The following DENND1B variants were observed in gnomAD, a reference collection of about 807,000 sequenced individuals.
The protein encoded by DENND1B is DENN domain-containing protein 1B.
In DENND1B, 59 loss-of-function variants were observed where a neutral mutation model predicts 90.1. The ratio of observed to expected loss-of-function variants is 0.65; its 90% CI spans 0.53 to 0.81. DENND1B has a LOEUF of 0.81. Ranked by LOEUF, DENND1B falls within the 40% of genes least tolerant of loss-of-function variation. The probability of loss-of-function intolerance (pLI) is 0.00; values close to 1 mark genes in which losing one functional copy is unlikely to be tolerated. For synonymous variants in DENND1B, 337 were observed against 324.6 expected, an observed-to-expected ratio of 1.04 and a Z score of -0.41; for missense variants, 862 against 912.6, an observed-to-expected ratio of 0.94 and a Z score of 0.71.
Position 197,553,128 on chromosome 1 carries a change from G to GTCAAATAAAATGAA in DENND1B, c.1150-17_1150-16insTTCATTTTATTTGA. On this transcript the variant is annotated splice_polypyrimidine_tract_variant and intron_variant, in intron 15 of 22. Coordinates refer to ENST00000620048, the MANE Select transcript of DENND1B (RefSeq NM_001195215.2). ...CATCGATAAACTAGAATTAAAAAGT[G>GTCAAATAAAATGAA]TCAAATAAAATGTATCAAATAAAAT... 1 of 1,511,936 alleles carries GTCAAATAAAATGAA rather than the reference G, an allele frequency of 6.6e-7. No homozygotes were observed. Among genetic ancestry groups the GTCAAATAAAATGAA allele is most frequent in the South Asian group, 1.3e-5 (1 of 76,166 alleles). 93.7% of individuals were successfully genotyped at this position (1,511,936 alleles called of 1,614,324 possible). A position where few individuals can be genotyped will look rare whatever the true frequency, so the allele number is the denominator to read the frequency against.
At chr1:197,655,440 G>C (rs1351534091) in intron 6 of DENND1B, among the ~76,000 whole-genome samples, 1 of 152,090 alleles carries the variant, frequency 6.6e-6, no homozygotes, top group Non-Finnish European at 1.5e-5. Flanking sequence ...CCTACAGAAA[G>C]CATCACCTAA....
At position 197,758,866 on chromosome 1, in the gene DENND1B, C is replaced by T. The variant is rs113650561; in HGVS notation, c.82+14002G>A. On this transcript the variant is annotated intron_variant, in intron 2 of 22. Transcript: ENST00000620048. ...GCTACATCTTATGAAATTCTCTCTC[C>T]TTGTTTCTCACTAAAAAGGAAAAAG... Among the ~76,000 whole-genome samples, 542 of 151,842 alleles carry T rather than the reference C, an allele frequency of 3.6e-3. 1 individual carries two copies. The highest frequency in any genetic ancestry group is 0.016 in the South Asian group (78 of 4,812).
intron 10 of DENND1B, among the ~76,000 whole-genome samples, chr1:197,641,871 TAGG>T (rs148453709): frequency 0.017 from 2,658 of 152,186 alleles, 73 homozygotes; most frequent in African/African-American, 0.06. Context: ...ATTTCTACTA[TAGG>T]AGAAGAAAAC....
intron 2 of DENND1B, among the ~76,000 whole-genome samples, chr1:197,762,849 A>T (rs900141133): frequency 1.3e-5 from 2 of 152,120 alleles, no homozygotes; most frequent in African/African-American, 2.4e-5. Context: ...AATGTACTCC[A>T]GGCCCATCCA....
chr1:197,623,588 A>C (rs1364039931), intron 10 of DENND1B, among the ~76,000 whole-genome samples: 1 of 151,534 alleles, frequency 6.6e-6, no homozygotes, highest in Non-Finnish European at 1.5e-5. Context: ...AATAGAATTT[A>C]TTTCTTAGAA....
intron 15 of DENND1B, among the ~76,000 whole-genome samples, chr1:197,577,437 A>T (rs1273667248): frequency 6.6e-6 from 1 of 152,172 alleles, no homozygotes; most frequent in Non-Finnish European, 1.5e-5. Flanking sequence ...ACTCTGTTGG[A>T]TAGAAAAGTT....
intron 2 of DENND1B, among the ~76,000 whole-genome samples, chr1:197,747,918 C>G (rs1272687548): frequency 6.6e-6 from 1 of 152,148 alleles, no homozygotes; most frequent in Non-Finnish European, 1.5e-5. Context: ...TCCTCTATTT[C>G]TGATCATGGA....
intron 2 of DENND1B, among the ~76,000 whole-genome samples, chr1:197,723,531 GAA>G (rs1314950908): frequency 1.3e-5 from 2 of 152,080 alleles, no homozygotes; most frequent in Admixed American, 6.6e-5. Flanking sequence ...TTACAACTGA[GAA>G]TCAAATGTTT....
intron 11 of DENND1B, among the ~76,000 whole-genome samples, chr1:197,614,263 A>G (rs1389217471): frequency 6.6e-6 from 1 of 151,010 alleles, no homozygotes; most frequent in Non-Finnish European, 1.5e-5. Flanking sequence ...CTTCTCACCA[A>G]TTTCTCACAA....
intron 3 of DENND1B, among the ~76,000 whole-genome samples, chr1:197,683,987 G>A (rs900618856): frequency 6.6e-6 from 1 of 152,164 alleles, no homozygotes; most frequent in African/African-American, 2.4e-5. Flanking sequence ...AGGTGCCCTA[G>A]GGCCTAATCA....
intron 2 of DENND1B, chr1:197,735,636 A>AT: frequency 6.2e-7 from 1 of 1,614,218 alleles, no homozygotes; most frequent in Non-Finnish European, 8.5e-7. Context: ...AGCTGCCGCC[A>AT]TGAAGGTCGA....
chr1:197,658,312 C>G lies in DENND1B; in HGVS notation c.354G>C (p.Leu118Phe), dbSNP rs373239454. The change falls in exon 6 of 23, where the codon TTG becomes TTC. Residue 118 changes from leucine to phenylalanine, a missense_variant. Physicochemically the swap from Leu to Phe is conservative, Grantham distance 22. Coordinates refer to ENST00000620048, the MANE Select transcript of DENND1B (RefSeq NM_001195215.2). ...YKLLNTLADY[L>F]AKELENDLNE... ...AAAAATAGCTTACCAGTTCCTTAGC[C>G]AAGTAATCTGCAAGAGTATTTAGAA... 44 of 1,609,566 alleles carry G rather than the reference C, an allele frequency of 2.7e-5. No individual in the cohort carries two copies. Among genetic ancestry groups the G allele is most frequent in the Non-Finnish European group, 3.7e-5 (44 of 1,177,460 alleles).
At chr1:197,591,633 G>C (rs894797068) in intron 14 of DENND1B, among the ~76,000 whole-genome samples, 3 of 152,102 alleles carry the variant, frequency 2.0e-5, no homozygotes, top group Non-Finnish European at 4.4e-5. Context: ...AATGGAAAGA[G>C]ACAGCATAAA....
intron 3 of DENND1B, among the ~76,000 whole-genome samples, chr1:197,703,519 T>C (rs890387858): frequency 1.3e-4 from 20 of 152,148 alleles, no homozygotes; most frequent in Admixed American, 1.2e-3. Context: ...ATACCATAAA[T>C]GATTATGGTA....
chr1:197,634,731 T>G lies in DENND1B; in HGVS notation c.672+7980A>C, dbSNP rs570782864. ...GGCCGGGCACAGTAGCTCACGCCTG[T>G]GATCCCAGCAACTTTGGGAGGCCGA... On this transcript the variant is annotated intron_variant, in intron 10 of 22. Coordinates refer to ENST00000620048, the MANE Select transcript of DENND1B (RefSeq NM_001195215.2). 2.6e-5 allele frequency among the ~76,000 whole-genome samples: 4 copies of G among 152,332 alleles called. No homozygotes were observed. The South Asian group carries it at 8.3e-4, about 32-fold the overall frequency.
At position 197,637,571 on chromosome 1, in the gene DENND1B, T is replaced by A. The variant is rs144961985; in HGVS notation, c.672+5140A>T. Among the ~76,000 whole-genome samples the A allele has an allele frequency of 3.3e-5, 5 of 152,246 alleles. No individual in the cohort carries two copies. The East Asian group carries it at 7.7e-4, about 24-fold the overall frequency. ...AATAACCTTCACACATCCCTTCCAA[T>A]AAACTGCTTCCTGATGACCTCAACA... On this transcript the variant is annotated intron_variant, in intron 10 of 22. Coordinates refer to ENST00000620048, the MANE Select transcript of DENND1B (RefSeq NM_001195215.2).
chr1:197,521,915 G>A (rs1489305647), intron 20 of DENND1B, among the ~76,000 whole-genome samples: 1 of 151,966 alleles, frequency 6.6e-6, no homozygotes, highest in African/African-American at 2.4e-5. Context: ...AAAGCAAAGT[G>A]ACTTGGGCAA....
chr1:197,612,527 G>T (rs1677274467), intron 11 of DENND1B, among the ~76,000 whole-genome samples: 1 of 150,542 alleles, frequency 6.6e-6, no homozygotes, highest in South Asian at 2.1e-4. Context: ...TTCTGGAACT[G>T]GATGTACAAA....
At chr1:197,531,387 T>TC (rs989113795) in intron 20 of DENND1B, among the ~76,000 whole-genome samples, 3 of 4,210 alleles carry the variant, frequency 7.1e-4, no homozygotes, top group African/African-American at 7.5e-4. Flanking sequence ...ATAACAAATC[T>TC]TTTTTTTTTT....
Sources: gnomAD v4.1 joint callset for allele counts (sites outside exome capture counted in the v4.1 genomes callset) on GRCh38, gnomAD v4.1.1 for gene constraint, MANE v1.5 for transcripts, NCBI Gene and HGNC (gene_info 2026-07-23, HGNC 2026-07-21) for gene names.